The following KLHL1 variants were observed in gnomAD, a reference collection of about 807,000 sequenced individuals.
KLHL1 encodes kelch-like protein 1.
In KLHL1, 47 loss-of-function variants were observed where a neutral mutation model predicts 77.7. The observed-to-expected ratio is 0.60, with a 90% CI of 0.48 to 0.77. The LOEUF (loss-of-function observed/expected upper bound fraction) is 0.77, where lower values mean the gene tolerates loss of function less well. Among genes scored for constraint, KLHL1 ranks in the 30% least tolerant of loss-of-function variants. The probability of loss-of-function intolerance (pLI) is 0.00; values close to 1 mark genes in which losing one functional copy is unlikely to be tolerated. For missense variants in KLHL1, 925 were observed against 910.8 expected, an observed-to-expected ratio of 1.02 and a Z score of -0.20; for synonymous variants, 360 against 325.2, an observed-to-expected ratio of 1.11 and a Z score of -1.15.
At chr13:69,847,316 G>T (rs774896052) in intron 5 of KLHL1, among the ~76,000 whole-genome samples, 1 of 150,522 alleles carries the variant, frequency 6.6e-6, no homozygotes, top group Non-Finnish European at 1.5e-5. Flanking sequence ...ATAAATTATA[G>T]CAACACCCTA....
At chr13:69,854,289 G>A (rs1375441750) in intron 5 of KLHL1, among the ~76,000 whole-genome samples, 2 of 152,030 alleles carry the variant, frequency 1.3e-5, no homozygotes, top group African/African-American at 2.4e-5. Context: ...TCTACTCATT[G>A]AGGAAGATGA....
chr13:69,924,800 G>A (rs538462360), intron 4 of KLHL1, among the ~76,000 whole-genome samples: 22 of 152,184 alleles, frequency 1.4e-4, no homozygotes, highest in Non-Finnish European at 2.9e-4. Flanking sequence ...CCCTCTTTGG[G>A]GCTCTGTGAT....
At chr13:69,736,701 T>C (rs1321744863) in intron 8 of KLHL1, among the ~76,000 whole-genome samples, 1 of 151,652 alleles carries the variant, frequency 6.6e-6, no homozygotes, top group East Asian at 1.9e-4. Context: ...TATATATATA[T>C]ACACACACCA....
intron 6 of KLHL1, among the ~76,000 whole-genome samples, chr13:69,820,362 A>G (rs1878285703): frequency 6.6e-6 from 1 of 152,196 alleles, no homozygotes; most frequent in African/African-American, 2.4e-5. Flanking sequence ...TCCACAAGTC[A>G]TTACTTAACA....
chr13:69,701,920 C>G (rs190198175), intron 10 of KLHL1, among the ~76,000 whole-genome samples, 159 bp from the exon 11 acceptor site: 1 of 151,662 alleles, frequency 6.6e-6, no homozygotes, highest in Non-Finnish European at 1.5e-5. Context: ...CTGAAAATGG[C>G]ATTTTAAAAA....
At chr13:69,867,968 G>C (rs1018293793) in intron 5 of KLHL1, among the ~76,000 whole-genome samples, 1 of 151,880 alleles carries the variant, frequency 6.6e-6, no homozygotes, top group African/African-American at 2.4e-5. Flanking sequence ...TAACCTGCAC[G>C]TTGTGCACAT....
intron 1 of KLHL1, among the ~76,000 whole-genome samples, chr13:70,000,817 AAAAAG>A (rs1484512267): frequency 6.6e-6 from 1 of 151,670 alleles, no homozygotes; most frequent in East Asian, 1.9e-4. Flanking sequence ...TGTTTATTTA[AAAAAG>A]AAAAGTAAAT....
At chr13:69,869,858 A>G (rs1027628057) in intron 5 of KLHL1, among the ~76,000 whole-genome samples, 1 of 152,204 alleles carries the variant, frequency 6.6e-6, no homozygotes, top group Non-Finnish European at 1.5e-5. Context: ...ATTTAGTTTT[A>G]AATTGTAGCA....
At chr13:69,935,423 AAAC>A (rs2138290354) in intron 4 of KLHL1, among the ~76,000 whole-genome samples, 1 of 152,320 alleles carries the variant, frequency 6.6e-6, no homozygotes, top group African/African-American at 2.4e-5. Flanking sequence ...TAGACAACAA[AAAC>A]AACAATAACA....
chr13:69,952,626 T>C (rs1419602577), intron 3 of KLHL1, among the ~76,000 whole-genome samples: 2 of 151,402 alleles, frequency 1.3e-5, no homozygotes, highest in Non-Finnish European at 3.0e-5. Context: ...GATCAAGGTA[T>C]TCCTTCAGAA....
At chr13:69,837,016 CTT>C (rs1278337276) in intron 6 of KLHL1, among the ~76,000 whole-genome samples, 3 of 151,818 alleles carry the variant, frequency 2.0e-5, no homozygotes, top group Non-Finnish European at 2.9e-5. Flanking sequence ...CTATACGACT[CTT>C]TATATTTTGT....
chr13:69,977,264 A>G (rs1387969962), intron 1 of KLHL1, among the ~76,000 whole-genome samples: 2 of 152,110 alleles, frequency 1.3e-5, no homozygotes, highest in Admixed American at 1.3e-4. Flanking sequence ...GATCACAATT[A>G]TTACTTAATA....
At chr13:69,824,169 T>C (rs1283132459) in intron 6 of KLHL1, among the ~76,000 whole-genome samples, 1 of 152,006 alleles carries the variant, frequency 6.6e-6, no homozygotes, top group Non-Finnish European at 1.5e-5. Flanking sequence ...TAAATAAAAA[T>C]ACATCCTATA....
chr13:69,987,625 G>A (rs568861916), intron 1 of KLHL1, among the ~76,000 whole-genome samples: 15 of 151,948 alleles, frequency 9.9e-5, no homozygotes, highest in Middle Eastern at 3.4e-3. Context: ...AGGAAAGAAG[G>A]ACTACTAAAG....
intron 3 of KLHL1, among the ~76,000 whole-genome samples, chr13:69,946,899 G>A (rs917840010): frequency 6.7e-6 from 1 of 149,740 alleles, no homozygotes; most frequent in Non-Finnish European, 1.5e-5. Flanking sequence ...TGGTACAAAA[G>A]TAATTGTGGG....
At chr13:70,101,930 A>C (rs1374337095) in intron 1 of KLHL1, among the ~76,000 whole-genome samples, 2 of 149,940 alleles carry the variant, frequency 1.3e-5, no homozygotes, top group Non-Finnish European at 2.9e-5. Flanking sequence ...TATGTAACAC[A>C]GAAACCTAGG....
chr13:70,084,622 CTTTTTT>C (rs71116988), intron 1 of KLHL1, among the ~76,000 whole-genome samples: 10 of 14,954 alleles, frequency 6.7e-4, no homozygotes, highest in East Asian at 4.5e-3. Flanking sequence ...CCACGCCAGG[CTTTTTT>C]TTTTTTTTTT....
chr13:69,915,890 T>C (rs959056034), intron 4 of KLHL1, among the ~76,000 whole-genome samples: 9 of 151,912 alleles, frequency 5.9e-5, no homozygotes, highest in Non-Finnish European at 1.2e-4. Context: ...CTCAAACAAA[T>C]TTACAAGAAA....
chr13:69,753,572 T>C (rs550167925), intron 7 of KLHL1, among the ~76,000 whole-genome samples: 2 of 152,320 alleles, frequency 1.3e-5, no homozygotes, highest in Non-Finnish European at 2.9e-5. Flanking sequence ...ATCTAGATTT[T>C]ATTTTTCAAT....
Sources: gnomAD v4.1 joint callset for allele counts (sites outside exome capture counted in the v4.1 genomes callset) on GRCh38, gnomAD v4.1.1 for gene constraint, MANE v1.5 for transcripts, NCBI Gene and HGNC (gene_info 2026-07-23, HGNC 2026-07-21) for gene names.